CLK3: variants seen among roughly 807,000 people sequenced by gnomAD.
CLK3 encodes the protein dual specificity protein kinase CLK3.
Under a neutral mutation model 65.2 loss-of-function variants are expected in CLK3, and 24 were observed. That is an observed-to-expected ratio of 0.37 (90% CI 0.27 to 0.52). The LOEUF is 0.52. Ranked by LOEUF, CLK3 falls within the 20% of genes least tolerant of loss-of-function variation. The pLI is 0.92. For missense variants in CLK3, 506 were observed against 660.0 expected, an observed-to-expected ratio of 0.77 and a Z score of 2.56; for synonymous variants, 252 against 240.8, an observed-to-expected ratio of 1.05 and a Z score of -0.43.
chr15:74,628,973 G>A lies in CLK3; in HGVS notation c.1237G>A (p.Val413Ile). ...GAAATATTTCTACAAAGGGGGCCTAGTTTGGGATGAGAACAGCTCTGACGG... is the reference window on the plus strand; with the variant it reads ...GAAATATTTCTACAAAGGGGGCCTAATTTGGGATGAGAACAGCTCTGACGG... ...KQKYFYKGGL[V>I]WDENSSDGRY... The change falls in exon 12 of 13, where the codon GTT becomes ATT. Residue 413 changes from valine (V) to isoleucine (I), a missense_variant. Physicochemically the swap from Val to Ile is conservative, Grantham distance 29. Transcript: ENST00000395066. 6.2e-7 allele frequency: 1 copy of A among 1,614,028 alleles called. No homozygotes were observed. The highest frequency in any genetic ancestry group is 8.5e-7 in the Non-Finnish European group (1 of 1,179,894).
chr15:74,628,650 G>C lies in CLK3; in HGVS notation c.1172G>C (p.Gly391Ala). 6.2e-7 allele frequency: 1 copy of C among 1,613,558 alleles called. No individual in the cohort carries two copies. Among genetic ancestry groups the C allele is most frequent in the Non-Finnish European group, 8.5e-7 (1 of 1,179,742 alleles). Residue 391 changes from glycine to alanine, a missense_variant, in exon 11 of 13, where the codon GGG becomes GCG. Gly to Ala is a moderately conservative substitution (Grantham distance 60). Transcript: ENST00000395066. ...CTGGTGATGATGGAGAAGATCCTAG[G>C]GCCCATCCCATCACACATGATCCAC... ...EHLVMMEKIL[G>A]PIPSHMIHRT...
In CLK3 at chr15:74,624,001, A is replaced by C. The variant is rs1219012079; in HGVS notation, c.534-901A>C. On this transcript the variant is annotated intron_variant, in intron 5 of 12. Coordinates refer to ENST00000395066, the MANE Select transcript of CLK3 (RefSeq NM_001130028.2). The surrounding 1 kb of genome is among the most constrained non-coding windows in gnomAD (Gnocchi z 4.2). ...CCTTCCTGCCCTGAGAATCTGGGAA[A>C]ATAGGTAGGGAGAAAAAAGCAGGGG... 1 of 152,144 alleles carries C rather than the reference A, an allele frequency of 6.6e-6. No homozygotes were observed. The highest frequency in any genetic ancestry group is 1.5e-5 in the Non-Finnish European group (1 of 68,020). The allele number at this position is 152,144 out of a possible 1,614,324, so 9.4% of individuals were successfully genotyped here.
chr15:74,628,576 C>G, intron 10 of CLK3, 28 bp from the exon 11 acceptor site: 1 of 1,569,544 alleles, frequency 6.4e-7, no homozygotes, highest in Non-Finnish European at 8.7e-7. Context: ...AGTACTGACC[C>G]CCTTGCACTG....
intron 1 of CLK3, among the ~76,000 whole-genome samples, chr15:74,616,600 C>A (rs1205312382): frequency 2.0e-5 from 3 of 152,224 alleles, no homozygotes; most frequent in African/African-American, 7.2e-5. Flanking sequence ...TGAACCAGGC[C>A]CCCATCAGAG....
chr15:74,621,573 AAC>A lies in CLK3; in HGVS notation c.370-545_370-544del. On this transcript the variant is annotated intron_variant, in intron 3 of 12. Coordinates refer to ENST00000395066, the MANE Select transcript of CLK3 (RefSeq NM_001130028.2). The surrounding 1 kb of genome is among the most constrained non-coding windows in gnomAD (Gnocchi z 4.8). ...AGGCATGTGCAAGTCTGCGTGGGCG[AAC>A]AGAGGCAGGCAAGGACAGGCTGGGC... The A allele has an allele frequency of 5.0e-6, 1 of 200,822 alleles. No individual in the cohort carries two copies. Among genetic ancestry groups the A allele is most frequent in the Non-Finnish European group, 1.1e-5 (1 of 94,966 alleles). The allele number at this position is 200,822 out of a possible 1,614,324, so 12.4% of individuals were successfully genotyped here. A position where few individuals can be genotyped will look rare whatever the true frequency, so the allele number is the denominator to read the frequency against.
Position 74,627,767 on chromosome 15 carries a change from GC to G in CLK3, c.1042+100del. 6.5e-7 allele frequency: 1 copy of G among 1,548,166 alleles called. No individual in the cohort carries two copies. The highest frequency in any genetic ancestry group is 8.9e-7 in the Non-Finnish European group (1 of 1,129,512). On this transcript the variant is annotated intron_variant, in intron 9 of 12. Coordinates refer to ENST00000395066, the MANE Select transcript of CLK3 (RefSeq NM_001130028.2). This position sits in a 1 kb window ranked among gnomAD's most constrained non-coding sequence, Gnocchi z 4.3. ...TGCCTGTCATTCTCTGCCACCCAGGGCAGGCAGAGTTTCTCAGACCAAGGGG... is the reference window on the plus strand; with the variant it reads ...TGCCTGTCATTCTCTGCCACCCAGGGAGGCAGAGTTTCTCAGACCAAGGGG...
chr15:74,626,957 G>C (rs1462816308), intron 7 of CLK3: 4 of 458,002 alleles, frequency 8.7e-6, no homozygotes, highest in Admixed American at 4.7e-5. Context: ...TTAGTAACTT[G>C]AACAGGGGAC....
chr15:74,625,524 T>C (rs1009753708), intron 6 of CLK3, among the ~76,000 whole-genome samples: 2 of 152,038 alleles, frequency 1.3e-5, no homozygotes, highest in Non-Finnish European at 2.9e-5. Context: ...TGCTTCCATA[T>C]CATAAGTAGG....
chr15:74,626,990 GC>G (rs1312878383), intron 7 of CLK3: 1 of 469,604 alleles, frequency 2.1e-6, no homozygotes, highest in Non-Finnish European at 4.2e-6. Flanking sequence ...TTTGCAAAGG[GC>G]CCTGCAAATT....
At chr15:74,615,712 C>A, upstream of CLK3, 3 of 1,238,962 alleles carry the variant, frequency 2.4e-6, no homozygotes, top group South Asian at 3.6e-5. Flanking sequence ...GCGGAGAGGG[C>A]TGGTGCCCCG....
Position 74,627,428 on chromosome 15 carries a change from C to A in CLK3, c.894C>A (p.Thr298=). ...TGTTTGTGAATTCTGAGTTTGAAAC[C>A]CTCTACAATGAGCACAAGGTATTGG... ...NILFVNSEFE[T]LYNEHKSCEE... Residue 298 remains threonine, a synonymous_variant, in exon 8 of 13, where the codon ACC becomes ACA. Coordinates refer to ENST00000395066, the MANE Select transcript of CLK3 (RefSeq NM_001130028.2). The surrounding 1 kb of genome is among the most constrained non-coding windows in gnomAD (Gnocchi z 4.3). 1 of 1,614,174 alleles carries A rather than the reference C, an allele frequency of 6.2e-7. No homozygotes were observed. The highest frequency in any genetic ancestry group is 1.1e-5 in the South Asian group (1 of 91,076).
chr15:74,619,369 AG>A, intron 2 of CLK3, 21 bp downstream of exon 2: 1 of 1,613,002 alleles, frequency 6.2e-7, no homozygotes, highest in Middle Eastern at 1.7e-4. Flanking sequence ...ACTAGATAGG[AG>A]GGAAAGACTC....
At chr15:74,617,042 A>G (rs2062066040) in intron 1 of CLK3, among the ~76,000 whole-genome samples, 1 of 152,220 alleles carries the variant, frequency 6.6e-6, no homozygotes, top group Non-Finnish European at 1.5e-5. Flanking sequence ...GGAGGATGAT[A>G]TCTGCTATTT....
intron 10 of CLK3, 67 bp downstream of exon 10, chr15:74,628,119 G>T: frequency 9.0e-7 from 1 of 1,108,020 alleles, no homozygotes; most frequent in East Asian, 2.4e-5. Flanking sequence ...AGGCCACTGG[G>T]GTGGGAAGCC....
At chr15:74,626,370 C>A (rs2062143486) in intron 7 of CLK3, among the ~76,000 whole-genome samples, 1 of 152,240 alleles carries the variant, frequency 6.6e-6, no homozygotes, top group Admixed American at 6.5e-5. Flanking sequence ...CATCTCCCTG[C>A]CAGCCTGGAA....
At chr15:74,612,534 C>T (rs2062002599), upstream of CLK3, among the ~76,000 whole-genome samples, 1 of 152,184 alleles carries the variant, frequency 6.6e-6, no homozygotes, top group African/African-American at 2.4e-5. Context: ...TGAAAGGGCA[C>T]AGGAGTTGTC....
At chr15:74,618,128 T>C (rs2062074859) in intron 1 of CLK3, among the ~76,000 whole-genome samples, 2 of 152,194 alleles carry the variant, frequency 1.3e-5, no homozygotes, top group Non-Finnish European at 2.9e-5. Flanking sequence ...GTACAAAATG[T>C]GCTTGGCCAG....
intron 1 of CLK3, among the ~76,000 whole-genome samples, chr15:74,616,275 G>A (rs1213033827): frequency 1.3e-5 from 2 of 152,368 alleles, no homozygotes; most frequent in African/African-American, 4.8e-5. Flanking sequence ...CTCCTCCCTT[G>A]GCGGCCTGGA....
chr15:74,622,183 G>C lies in CLK3; in HGVS notation c.433G>C (p.Val145Leu). 1 of 1,614,058 alleles carries C rather than the reference G, an allele frequency of 6.2e-7. No individual in the cohort carries two copies. Among genetic ancestry groups the C allele is most frequent in the Non-Finnish European group, 8.5e-7 (1 of 1,179,932 alleles). The stretch of plus-strand genomic sequence containing the variant: ...GGAAGATGACAAGGAGGGTCACCTG[G>C]TGTGCCGGATCGGCGATTGGCTCCA... ...SVEDDKEGHL[V>L]CRIGDWLQER... Residue 145 changes from valine (V) to leucine (L), a missense_variant, in exon 4 of 13, where the codon GTG (valine) becomes CTG (leucine). By Grantham distance (32) the Val-to-Leu change is conservative. Transcript: ENST00000395066. The surrounding 1 kb of genome is among the most constrained non-coding windows in gnomAD (Gnocchi z 4.6).
Sources: allele counts gnomAD v4.1 joint callset (sites outside exome capture counted in the v4.1 genomes callset), GRCh38; gene constraint gnomAD v4.1.1; non-coding constraint Gnocchi (gnomAD v3.1); transcripts MANE v1.5; gene names NCBI Gene and HGNC (gene_info 2026-07-23, HGNC 2026-07-21).